RAB11FIP5: variants seen among roughly 807,000 people sequenced by gnomAD.
RAB11FIP5 encodes rab11 family-interacting protein 5.
In RAB11FIP5, 48 loss-of-function variants were observed where a neutral mutation model predicts 85.1. That is an observed-to-expected ratio of 0.56 (90% CI 0.45 to 0.72). The LOEUF (loss-of-function observed/expected upper bound fraction) is 0.72, where lower values mean the gene tolerates loss of function less well. Ranked by LOEUF, RAB11FIP5 falls within the 30% of genes least tolerant of loss-of-function variation. The probability of loss-of-function intolerance (pLI) is 0.00; values close to 1 mark genes in which losing one functional copy is unlikely to be tolerated. For synonymous variants in RAB11FIP5, 729 were observed against 727.3 expected (o/e 1.00, Z -0.04); for missense variants, 1,491 against 1,687.0 (o/e 0.88, Z 2.04).
chr2:73,082,287 CATG>C (rs1477294953), intron 3 of RAB11FIP5, among the ~76,000 whole-genome samples: 2 of 152,132 alleles, frequency 1.3e-5, no homozygotes, highest in African/African-American at 4.8e-5. Context: ...GGATTACAAA[CATG>C]AGCCACTAAG....
At chr2:73,076,360 C>T (rs1316608692) in intron 4 of RAB11FIP5, among the ~76,000 whole-genome samples, 178 bp from the exon 5 acceptor site, 1 of 152,070 alleles carries the variant, frequency 6.6e-6, no homozygotes, top group Non-Finnish European at 1.5e-5. Context: ...CTCAGCAACC[C>T]CCTGGGCTGG....
chr2:73,105,921 A>G (rs1574305888), intron 1 of RAB11FIP5, among the ~76,000 whole-genome samples: 1 of 152,264 alleles, frequency 6.6e-6, no homozygotes, highest in African/African-American at 2.4e-5. Flanking sequence ...GGTCAAGTCC[A>G]GTGACTCATG....
chr2:73,079,734 G>T lies in RAB11FIP5; in HGVS notation c.3498C>A (p.Asp1166Glu). The change falls in exon 4 of 6, where the codon GAC (aspartate) becomes GAA (glutamate). Residue 1166 changes from aspartate (D) to glutamate (E), a missense_variant. Physicochemically the swap from Asp to Glu is conservative, Grantham distance 45. Coordinates refer to ENST00000486777, the MANE Select transcript of RAB11FIP5 (RefSeq NM_001371272.1). ...PGGSPALLRE[D>E]LAAATPASPL... ...GGGAGGCTGGGGTGGCTGCAGCGAG[G>T]TCCTCCCTAAGTAGGGCAGGGGAGC... 1 of 1,233,120 alleles carries T rather than the reference G, an allele frequency of 8.1e-7. No individual in the cohort carries two copies. The highest frequency in any genetic ancestry group is 1.0e-6 in the Non-Finnish European group (1 of 988,770). 76.4% of individuals were successfully genotyped at this position (1,233,120 alleles called of 1,614,324 possible).
chr2:73,097,875 A>G (rs968372307), intron 1 of RAB11FIP5, among the ~76,000 whole-genome samples: 55 of 152,362 alleles, frequency 3.6e-4, no homozygotes, highest in African/African-American at 1.3e-3. Context: ...CAGAGGAGTC[A>G]CTGTTGACCC....
chr2:73,096,389 G>A (rs1460526080), intron 1 of RAB11FIP5, among the ~76,000 whole-genome samples: 1 of 152,182 alleles, frequency 6.6e-6, no homozygotes, highest in Non-Finnish European at 1.5e-5. Context: ...AAGTGCCAGG[G>A]AACTCCAGTC....
At chr2:73,097,697 C>A (rs1361028970) in intron 1 of RAB11FIP5, among the ~76,000 whole-genome samples, 1 of 152,208 alleles carries the variant, frequency 6.6e-6, no homozygotes, top group African/African-American at 2.4e-5. Flanking sequence ...AAACAGGAGC[C>A]TTTGGAGGGC....
Position 73,101,574 on chromosome 2 carries a change from C to T in RAB11FIP5, c.431+10773G>A, listed in dbSNP as rs544478676. 3.3e-5 allele frequency among the ~76,000 whole-genome samples: 5 copies of T among 152,270 alleles called. No individual in the cohort carries two copies. In the East Asian group the frequency reaches 9.7e-4, roughly 29 times the overall value. On this transcript the variant is annotated intron_variant, in intron 1 of 5. Coordinates refer to ENST00000486777, the MANE Select transcript of RAB11FIP5 (RefSeq NM_001371272.1). ...GGTGTACTGACACTCCTGCTCCCAC[C>T]TGGGACTGATGGTGGATTGACATTA...
At chr2:73,104,838 C>T (rs1684492864) in intron 1 of RAB11FIP5, among the ~76,000 whole-genome samples, 1 of 152,188 alleles carries the variant, frequency 6.6e-6, no homozygotes, top group African/African-American at 2.4e-5. Flanking sequence ...TTCTCTCACG[C>T]TTTTTATATG....
intron 1 of RAB11FIP5, among the ~76,000 whole-genome samples, chr2:73,109,268 C>T (rs907409398): frequency 1.3e-5 from 2 of 152,098 alleles, no homozygotes; most frequent in Admixed American, 6.6e-5. Context: ...CAAAGACTGC[C>T]CCACTCACAC....
At chr2:73,110,409 T>C (rs1446485517) in intron 1 of RAB11FIP5, among the ~76,000 whole-genome samples, 2 of 151,916 alleles carry the variant, frequency 1.3e-5, no homozygotes, top group Admixed American at 6.6e-5. Flanking sequence ...TTAGGTCCAG[T>C]AAACTAGAGC....
At position 73,089,535 on chromosome 2, in the gene RAB11FIP5, G is replaced by T; in HGVS notation, c.432-220C>A. The T allele has an allele frequency of 1.6e-6, 1 of 635,272 alleles. No homozygotes were observed. The highest frequency in any genetic ancestry group is 2.8e-6 in the Non-Finnish European group (1 of 351,568). The allele number at this position is 635,272 out of a possible 1,614,324, so 39.4% of individuals were successfully genotyped here. A position where few individuals can be genotyped will look rare whatever the true frequency, so the allele number is the denominator to read the frequency against. On this transcript the variant is annotated intron_variant, in intron 1 of 5. Coordinates refer to ENST00000486777, the MANE Select transcript of RAB11FIP5 (RefSeq NM_001371272.1). The surrounding 1 kb of genome is among the most constrained non-coding windows in gnomAD (Gnocchi z 4.6). ...CATGATGGAGAAAACCACATCCTGA[G>T]TGGGGAAGCTCCTCGGGTGCCACCA...
At chr2:73,096,755 G>A (rs1684327007) in intron 1 of RAB11FIP5, among the ~76,000 whole-genome samples, 1 of 152,178 alleles carries the variant, frequency 6.6e-6, no homozygotes, top group African/African-American at 2.4e-5. Context: ...AAGACGTGAA[G>A]TGGGAGCTCA....
chr2:73,080,426 C>T lies in RAB11FIP5; in HGVS notation c.2806G>A (p.Asp936Asn), dbSNP rs960352602. 1 of 1,233,488 alleles carries T rather than the reference C, an allele frequency of 8.1e-7. No homozygotes were observed. Among genetic ancestry groups the T allele is most frequent in the Non-Finnish European group, 1.0e-6 (1 of 988,662 alleles). The allele number at this position is 1,233,488 out of a possible 1,614,324, so 76.4% of individuals were successfully genotyped here. A position where few individuals can be genotyped will look rare whatever the true frequency, so the allele number is the denominator to read the frequency against. ...ACAACCAGTGCACTTGGGGAGGCAT[C>T]TTCTCCCTCTGTCTCCGGCCCCCTG... ...SNRGPETEGE[D>N]ASPSALVVGP... The change falls in exon 4 of 6, where the codon GAT becomes AAT. Residue 936 changes from aspartate to asparagine, a missense_variant. By Grantham distance (23) the Asp-to-Asn change is conservative (BLOSUM62 1). This residue lies in a region of RAB11FIP5 where 1,211 missense variants were observed against 1,338.0 expected (regional missense o/e 0.91). Coordinates refer to ENST00000486777, the MANE Select transcript of RAB11FIP5 (RefSeq NM_001371272.1).
intron 1 of RAB11FIP5, among the ~76,000 whole-genome samples, chr2:73,111,840 G>A (rs1254700448): frequency 2.0e-5 from 3 of 152,206 alleles, no homozygotes; most frequent in Non-Finnish European, 2.9e-5. Context: ...GCCCCCTGCA[G>A]CCAGCTTCTA....
At chr2:73,107,820 G>A (rs535431054) in intron 1 of RAB11FIP5, among the ~76,000 whole-genome samples, 13 of 152,098 alleles carry the variant, frequency 8.5e-5, no homozygotes, top group Non-Finnish European at 1.5e-4. Context: ...CTCTGGGGCC[G>A]AGCAGGAGCC....
chr2:73,081,237 C>T lies in RAB11FIP5; in HGVS notation c.1995G>A (p.Arg665=), dbSNP rs1683972476. Residue 665 remains arginine, a synonymous_variant, in exon 4 of 6, where the codon AGG becomes AGA. Coordinates refer to ENST00000486777, the MANE Select transcript of RAB11FIP5 (RefSeq NM_001371272.1). This position sits in a 1 kb window ranked among gnomAD's most constrained non-coding sequence, Gnocchi z 4.2. ...FAASRLRPEA[R]SEILAPAGVG... is the part of the protein sequence containing the mutation. ...CTCCTGCAGGGGCCAGGATCTCGCT[C>T]CTGGCCTCTGGACGCAGCCTGCTGG... 2 of 1,232,402 alleles carry T rather than the reference C, an allele frequency of 1.6e-6. No individual in the cohort carries two copies. Among genetic ancestry groups the T allele is most frequent in the Non-Finnish European group, 2.0e-6 (2 of 988,186 alleles). 76.3% of individuals were successfully genotyped at this position (1,232,402 alleles called of 1,614,324 possible).
chr2:73,084,981 G>C (rs1684065004), intron 3 of RAB11FIP5, among the ~76,000 whole-genome samples: 1 of 152,250 alleles, frequency 6.6e-6, no homozygotes, highest in African/African-American at 2.4e-5. Flanking sequence ...ACAATGAGGT[G>C]ACAGGGGCCT....
chr2:73,090,098 A>G (rs1370274738), intron 1 of RAB11FIP5, among the ~76,000 whole-genome samples: 1 of 152,062 alleles, frequency 6.6e-6, no homozygotes, highest in Non-Finnish European at 1.5e-5. Flanking sequence ...ACCTCCCAAA[A>G]AGCATATGAG....
rs1338340203 is a variant in RAB11FIP5, at chr2:73,086,871, A to T, written c.1568+1179T>A. ...GCCCCTGAAACTGATCCACCCCCCC[A>T]TACCCCTATCTATGAGGGTCTAACA... On this transcript the variant is annotated intron_variant, in intron 3 of 5. Transcript: ENST00000486777. The surrounding 1 kb of genome is among the most constrained non-coding windows in gnomAD (Gnocchi z 4.4). Among the ~76,000 whole-genome samples, 1 of 152,038 alleles carries T rather than the reference A, an allele frequency of 6.6e-6. No homozygotes were observed. Among genetic ancestry groups the T allele is most frequent in the African/African-American group, 2.4e-5 (1 of 41,364 alleles).
Sources: allele counts gnomAD v4.1 joint callset (sites outside exome capture counted in the v4.1 genomes callset), GRCh38; gene constraint gnomAD v4.1.1; regional missense constraint gnomAD v4.1.1; non-coding constraint Gnocchi (gnomAD v3.1); transcripts MANE v1.5; gene names NCBI Gene and HGNC (gene_info 2026-07-23, HGNC 2026-07-21).